Variants in ASXL2 observed in about 807,000 individuals in gnomAD.
The protein encoded by ASXL2 is ASXL transcriptional regulator 2.
Under a neutral mutation model 122.0 loss-of-function variants are expected in ASXL2, and 23 were observed. That is an observed-to-expected ratio of 0.19 (90% CI 0.14 to 0.27). ASXL2 has a LOEUF of 0.27. Among genes scored for constraint, ASXL2 ranks in the 10% least tolerant of loss-of-function variants. ASXL2 has a pLI of 1.00. For missense variants in ASXL2, 1,518 were observed against 1,713.8 expected, an observed-to-expected ratio of 0.89 and a Z score of 2.02; for synonymous variants, 650 against 637.0, an observed-to-expected ratio of 1.02 and a Z score of -0.31.
chr2:25,785,784 G>A (rs1011229332), intron 5 of ASXL2, among the ~76,000 whole-genome samples: 4 of 152,102 alleles, frequency 2.6e-5, no homozygotes, highest in African/African-American at 9.7e-5. Flanking sequence ...ATAACCTTAG[G>A]TGATCCACCC....
chr2:25,764,684 T>C (rs1038803461), intron 8 of ASXL2, among the ~76,000 whole-genome samples: 2 of 152,224 alleles, frequency 1.3e-5, no homozygotes, highest in Non-Finnish European at 2.9e-5. Context: ...ATATAAACAA[T>C]GTTGCAATGC....
intron 5 of ASXL2, among the ~76,000 whole-genome samples, chr2:25,772,455 G>A (rs549894842): frequency 2.1e-4 from 32 of 152,212 alleles, no homozygotes; most frequent in African/African-American, 7.2e-4. Context: ...ACACAAGACC[G>A]TGTGCGGTGG....
At position 25,738,286 on chromosome 2, in the gene ASXL2, A is replaced by G. The variant is rs1429904590; in HGVS notation, c.*3743T>C. On this transcript the variant is annotated 3_prime_UTR_variant, in exon 13 of 13. Coordinates refer to ENST00000435504, the MANE Select transcript of ASXL2 (RefSeq NM_018263.6). Reference sequence around the variant, plus strand: ...AAAAAAATAAAGTAACCAAGAATCTACGAAGCTATTGCTTCAACTTTAGGA... The same window carrying G: ...AAAAAAATAAAGTAACCAAGAATCTGCGAAGCTATTGCTTCAACTTTAGGA... 2.0e-5 allele frequency: 3 copies of G among 152,224 alleles called. No homozygotes were observed. The highest frequency in any genetic ancestry group is 7.2e-5 in the African/African-American group (3 of 41,454). 9.4% of individuals were successfully genotyped at this position (152,224 alleles called of 1,614,324 possible). A position where few individuals can be genotyped will look rare whatever the true frequency, so the allele number is the denominator to read the frequency against.
At chr2:25,773,834 C>T (rs2149157502) in intron 5 of ASXL2, among the ~76,000 whole-genome samples, 1 of 151,596 alleles carries the variant, frequency 6.6e-6, no homozygotes. Context: ...AGTTCAAGAC[C>T]AGCCTGGCCA....
At chr2:25,827,806 C>G (rs56152010) in intron 3 of ASXL2, among the ~76,000 whole-genome samples, 6,462 of 152,152 alleles carry the variant, frequency 0.042, 212 homozygotes, top group African/African-American at 0.08. Flanking sequence ...TCTAGGTCAA[C>G]AGAGCAGCAG....
intron 3 of ASXL2, among the ~76,000 whole-genome samples, chr2:25,828,843 A>AC (rs1220781085): frequency 2.6e-5 from 4 of 151,276 alleles, no homozygotes; most frequent in African/African-American, 9.7e-5. Context: ...AAAAAAAAAA[A>AC]AAAAACAACA....
intron 2 of ASXL2, among the ~76,000 whole-genome samples, chr2:25,839,156 T>C (rs2089547995): frequency 6.6e-6 from 1 of 152,226 alleles, no homozygotes; most frequent in African/African-American, 2.4e-5. Flanking sequence ...GAACAAGCAA[T>C]TCTGTGTTGA....
intron 2 of ASXL2, among the ~76,000 whole-genome samples, chr2:25,843,159 A>G (rs1421277690): frequency 6.6e-6 from 1 of 151,900 alleles, no homozygotes; most frequent in Non-Finnish European, 1.5e-5. Context: ...AACATTAGCC[A>G]GGCATGGTGG....
chr2:25,741,875 A>C lies in ASXL2; in HGVS notation c.*154T>G. 1 of 718,376 alleles carries C rather than the reference A, an allele frequency of 1.4e-6. No individual in the cohort carries two copies. Among genetic ancestry groups the C allele is most frequent in the Admixed American group, 3.0e-5 (1 of 33,856 alleles). 44.5% of individuals were successfully genotyped at this position (718,376 alleles called of 1,614,324 possible). ...GGTGCTCTTCCTCTAAAATGTAAAA[A>C]ATCTGTACTTTGTATTCCTGATTAA... On this transcript the variant is annotated 3_prime_UTR_variant, in exon 13 of 13. Transcript: ENST00000435504.
intron 8 of ASXL2, among the ~76,000 whole-genome samples, chr2:25,764,932 C>T (rs1056595820): frequency 2.0e-5 from 3 of 152,110 alleles, no homozygotes; most frequent in African/African-American, 7.2e-5. Flanking sequence ...TCAAAGTGGT[C>T]AGTTTAAGTC....
At position 25,759,432 on chromosome 2, in the gene ASXL2, A is replaced by C. The variant is rs553662033; in HGVS notation, c.939+50T>G. The stretch of plus-strand genomic sequence containing the variant: ...TTAGTACCATTAATACCACTTTACA[A>C]GTATACATAAACAGCTATTTTTAAA... On this transcript the variant is annotated intron_variant, in intron 9 of 12. Coordinates refer to ENST00000435504, the MANE Select transcript of ASXL2 (RefSeq NM_018263.6). 23 of 1,560,972 alleles carry C rather than the reference A, an allele frequency of 1.5e-5. No individual in the cohort carries two copies. The South Asian group carries it at 2.7e-4, about 18-fold the overall frequency.
intron 12 of ASXL2, among the ~76,000 whole-genome samples, chr2:25,746,871 A>G (rs1008608517): frequency 1.1e-4 from 17 of 152,194 alleles, no homozygotes; most frequent in African/African-American, 3.9e-4. Context: ...GGGAGAGCAG[A>G]GAGATTCAAT....
At chr2:25,749,506 T>C (rs544849334) in intron 12 of ASXL2, among the ~76,000 whole-genome samples, 190 bp downstream of exon 12, 1 of 152,322 alleles carries the variant, frequency 6.6e-6, no homozygotes, top group Admixed American at 6.5e-5. Flanking sequence ...TAAAGACCTG[T>C]ATGTAGGACT....
At chr2:25,756,246 A>G in intron 9 of ASXL2, 132 bp from the exon 10 acceptor site, 2 of 420,362 alleles carry the variant, frequency 4.8e-6, no homozygotes, top group South Asian at 1.2e-4. Context: ...ATCTCATACT[A>G]TGTGCTTATC....
At chr2:25,822,601 TA>T in intron 3 of ASXL2, 1 of 528,896 alleles carries the variant, frequency 1.9e-6, no homozygotes, top group Non-Finnish European at 3.6e-6. Flanking sequence ...GAGGAAGTGA[TA>T]ATTTTAAGTA....
chr2:25,823,012 T>C, intron 3 of ASXL2: 1 of 503,500 alleles, frequency 2.0e-6, no homozygotes. Context: ...GATTTCACAA[T>C]TGAGAGAATT....
At chr2:25,754,602 T>C (rs1032165698) in intron 10 of ASXL2, among the ~76,000 whole-genome samples, 2 of 152,118 alleles carry the variant, frequency 1.3e-5, no homozygotes, top group African/African-American at 2.4e-5. Flanking sequence ...TCTGTTCACA[T>C]ATATACAGTG....
At chr2:25,851,501 T>C (rs750476070) in intron 1 of ASXL2, among the ~76,000 whole-genome samples, 1 of 152,214 alleles carries the variant, frequency 6.6e-6, no homozygotes, top group Non-Finnish European at 1.5e-5. Context: ...TTTTTATCAC[T>C]ATTGATTTTC....
rs371084012 is a variant in ASXL2 at position 25,822,905 on chromosome 2, T to A, written c.143+12633A>T. Reference sequence around the variant, plus strand: ...GACCAGAAGTAGATGGAGCAGGTGATGATTCACAAGACAGCGATGATGAAA... The same window carrying A: ...GACCAGAAGTAGATGGAGCAGGTGAAGATTCACAAGACAGCGATGATGAAA... On this transcript the variant is annotated intron_variant, in intron 3 of 12. Transcript: ENST00000435504. The A allele has an allele frequency of 2.8e-5, 15 of 544,732 alleles. No individual in the cohort carries two copies. In the African/African-American group the frequency reaches 2.9e-4, roughly 10 times the overall value. The allele number at this position is 544,732 out of a possible 1,614,324, so 33.7% of individuals were successfully genotyped here.
Sources: allele counts gnomAD v4.1 joint callset (sites outside exome capture counted in the v4.1 genomes callset), GRCh38; gene constraint gnomAD v4.1.1; transcripts MANE v1.5; gene names NCBI Gene and HGNC (gene_info 2026-07-23, HGNC 2026-07-21).